GRIK4: variants seen among roughly 807,000 people sequenced by gnomAD.
The protein encoded by GRIK4 is glutamate receptor ionotropic, kainate 4.
Under a neutral mutation model 104.9 loss-of-function variants are expected in GRIK4, and 40 were observed. That is an observed-to-expected ratio of 0.38 (90% CI 0.30 to 0.50). The LOEUF (loss-of-function observed/expected upper bound fraction) is 0.50. GRIK4 is among the 20% of genes least tolerant of loss of function. The pLI is 0.93. For synonymous variants in GRIK4, 485 were observed against 524.9 expected, an observed-to-expected ratio of 0.92 and a Z score of 1.04; for missense variants, 1,047 against 1,308.1, an observed-to-expected ratio of 0.80 and a Z score of 3.08.
rs570352896 is a variant in GRIK4, at chr11:120,754,323, C to T, written c.83-48370C>T. Among the ~76,000 whole-genome samples, 3 of 152,316 alleles carry T rather than the reference C, an allele frequency of 2.0e-5. No individual in the cohort carries two copies. The East Asian group carries it at 5.8e-4, about 29-fold the overall frequency. On this transcript the variant is annotated intron_variant, in intron 3 of 20. Transcript: ENST00000527524. ...CACTGTGCCTGGCCCTTGGACATTT[C>T]ATTTAAATGGAATCAGACAATGTGT...
chr11:120,756,996 C>T (rs1273790977), intron 3 of GRIK4, among the ~76,000 whole-genome samples: 1 of 152,180 alleles, frequency 6.6e-6, no homozygotes, highest in East Asian at 1.9e-4. Context: ...AGGATTTCAC[C>T]CTTGAGTGAA....
chr11:120,622,613 A>C (rs1949203659), intron 1 of GRIK4, among the ~76,000 whole-genome samples: 1 of 152,142 alleles, frequency 6.6e-6, no homozygotes, highest in African/African-American at 2.4e-5. Context: ...TTATTGTATT[A>C]GTTTCCTGTG....
chr11:120,830,969 T>A (rs1953413088), intron 6 of GRIK4, among the ~76,000 whole-genome samples: 1 of 150,126 alleles, frequency 6.7e-6, no homozygotes, highest in Non-Finnish European at 1.5e-5. Context: ...CATGTCTCAG[T>A]GACATCATTC....
intron 3 of GRIK4, among the ~76,000 whole-genome samples, chr11:120,709,899 G>A (rs1043266993): frequency 2.0e-5 from 3 of 152,194 alleles, no homozygotes; most frequent in African/African-American, 7.2e-5. Flanking sequence ...TGTTCTGTCT[G>A]TATTTTCCCA....
chr11:120,648,101 A>C (rs1949567075), intron 1 of GRIK4, among the ~76,000 whole-genome samples: 2 of 152,046 alleles, frequency 1.3e-5, no homozygotes, highest in African/African-American at 4.8e-5. Context: ...AGCAGGGATG[A>C]CCCACTTGCT....
chr11:120,622,570 C>T (rs1047440404), intron 1 of GRIK4, among the ~76,000 whole-genome samples: 2 of 152,326 alleles, frequency 1.3e-5, no homozygotes, highest in African/African-American at 4.8e-5. Flanking sequence ...TTCTTATTTT[C>T]TTTGCTTTTG....
chr11:120,741,936 T>C (rs1326172906), intron 3 of GRIK4, among the ~76,000 whole-genome samples: 6 of 152,128 alleles, frequency 3.9e-5, no homozygotes, highest in Admixed American at 3.9e-4. Context: ...ATGCAATGGC[T>C]CTAGGGTAGC....
chr11:120,832,382 G>A (rs1359274444), intron 7 of GRIK4, among the ~76,000 whole-genome samples: 1 of 152,172 alleles, frequency 6.6e-6, no homozygotes, highest in African/African-American at 2.4e-5. Flanking sequence ...CTGCCAAATG[G>A]TATAGAAATG....
rs140296309 is a variant in GRIK4 at position 120,908,826 on chromosome 11, C to T, written c.1476+3333C>T. ...ACCTCCCCAACACTTCTAGGCTGTG[C>T]GCCCAGACCCTTTGGCCACCTTCAA... On this transcript the variant is annotated intron_variant, in intron 13 of 20. Transcript: ENST00000527524. 2.2e-3 allele frequency among the ~76,000 whole-genome samples: 331 copies of T among 152,338 alleles called. 2 individuals carry two copies. Among genetic ancestry groups the T allele is most frequent in the African/African-American group, 7.2e-3 (301 of 41,574 alleles).
chr11:120,839,122 C>T (rs1331265745), intron 8 of GRIK4, among the ~76,000 whole-genome samples: 1 of 152,178 alleles, frequency 6.6e-6, no homozygotes, highest in African/African-American at 2.4e-5. Flanking sequence ...GGAGGGGCTT[C>T]ATCCAGAGGG....
intron 1 of GRIK4, among the ~76,000 whole-genome samples, chr11:120,537,328 G>C (rs986687459): frequency 4.6e-5 from 7 of 152,212 alleles, no homozygotes; most frequent in Admixed American, 2.0e-4. Context: ...TTGGGGTTGT[G>C]GTCAGAGGCG....
chr11:120,957,625 G>A (rs9651669), intron 16 of GRIK4, among the ~76,000 whole-genome samples: 40,979 of 144,640 alleles, frequency 0.28, 6,803 homozygotes, highest in Admixed American at 0.41. Context: ...GTGTGTGTGT[G>A]TAGCCTAGAG....
intron 3 of GRIK4, among the ~76,000 whole-genome samples, chr11:120,678,827 G>A (rs867193352): frequency 1.1e-4 from 16 of 152,014 alleles, no homozygotes; most frequent in African/African-American, 2.9e-4. Context: ...TAGAGACAGG[G>A]TTTCACCATC....
At chr11:120,912,182 A>T (rs944807645) in intron 13 of GRIK4, among the ~76,000 whole-genome samples, 16 of 152,174 alleles carry the variant, frequency 1.1e-4, no homozygotes, top group African/African-American at 3.9e-4. Context: ...TGACTTGGAC[A>T]TACGGGTGGT....
Position 120,985,886 on chromosome 11 carries a change from C to G in GRIK4, c.2515-18C>G. The stretch of plus-strand genomic sequence containing the variant: ...GGCTGGTTGAGAGGCTGGGCCCTGA[C>G]CTCGCTGTCTCCTCCAGGTGTCCGT... On this transcript the variant is annotated intron_variant, in intron 20 of 20. Coordinates refer to ENST00000527524, the MANE Select transcript of GRIK4 (RefSeq NM_014619.5). 6.4e-7 allele frequency: 1 copy of G among 1,550,478 alleles called. No homozygotes were observed. Among genetic ancestry groups the G allele is most frequent in the South Asian group, 1.2e-5 (1 of 84,154 alleles).
chr11:120,900,236 AGGTTTT>A (rs1565426383), intron 12 of GRIK4, among the ~76,000 whole-genome samples: 1 of 152,234 alleles, frequency 6.6e-6, no homozygotes, highest in East Asian at 1.9e-4. Flanking sequence ...TGAAAGGTAC[AGGTTTT>A]CCTGAGAAAT....
chr11:120,799,967 C>T (rs1952591919), intron 3 of GRIK4, among the ~76,000 whole-genome samples: 1 of 152,010 alleles, frequency 6.6e-6, no homozygotes, highest in African/African-American at 2.4e-5. Flanking sequence ...CCTGCCTCAG[C>T]ACCCCGAGTA....
chr11:120,876,139 GTCATCATCACCACCACCACCA>G (rs1244025069), intron 11 of GRIK4, among the ~76,000 whole-genome samples: 37 of 142,472 alleles, frequency 2.6e-4, no homozygotes, highest in African/African-American at 7.3e-4. Context: ...CACCATCACT[GTCATCATCACCACCACCACCA>G]TCATCATCAC....
At chr11:120,691,174 C>T (rs6589833) in intron 3 of GRIK4, among the ~76,000 whole-genome samples, 2 of 152,002 alleles carry the variant, frequency 1.3e-5, no homozygotes, top group Non-Finnish European at 2.9e-5. Context: ...ATCTCGGCAT[C>T]TACTGTTTTC....
Sources: gnomAD v4.1 joint callset for allele counts (sites outside exome capture counted in the v4.1 genomes callset) on GRCh38, gnomAD v4.1.1 for gene constraint, MANE v1.5 for transcripts, NCBI Gene and HGNC (gene_info 2026-07-23, HGNC 2026-07-21) for gene names.